The following SWAP70 variants were observed in gnomAD, a reference collection of about 807,000 sequenced individuals.
The protein encoded by SWAP70 is switch-associated protein 70.
In SWAP70, 34 loss-of-function variants were observed where a neutral mutation model predicts 80.2. That is an observed-to-expected ratio of 0.42 (90% CI 0.32 to 0.56). SWAP70 has a LOEUF of 0.56. Among genes scored for constraint, SWAP70 ranks in the 20% least tolerant of loss-of-function variants. The pLI is 0.09. For missense variants in SWAP70, 578 were observed against 690.7 expected (o/e 0.84, Z 1.83); for synonymous variants, 239 against 238.5 (o/e 1.00, Z -0.02).
At chr11:9,727,344 T>G (rs1851238635) in intron 4 of SWAP70, among the ~76,000 whole-genome samples, 1 of 152,110 alleles carries the variant, frequency 6.6e-6, no homozygotes. Context: ...GAGCCGAGAT[T>G]GCACCCACTG....
intron 3 of SWAP70, among the ~76,000 whole-genome samples, chr11:9,721,101 C>T (rs1209528267): frequency 6.6e-6 from 1 of 152,228 alleles, no homozygotes; most frequent in Admixed American, 6.5e-5. Context: ...CAGGCGTGAG[C>T]CACCACGCCT....
rs1850818196 is a variant in SWAP70, at chr11:9,700,549, G to A, written c.240+6263G>A. 3.3e-5 allele frequency among the ~76,000 whole-genome samples: 5 copies of A among 152,198 alleles called. No individual in the cohort carries two copies. The South Asian group carries it at 1.0e-3, about 31-fold the overall frequency. ...ACATACTGTCTCATTTGATCTTCAT[G>A]TTAATTCTGTGAGGCAGAATTGGAA... On this transcript the variant is annotated intron_variant, in intron 2 of 11. Transcript: ENST00000318950.
At chr11:9,722,301 G>A (rs1475128982) in intron 3 of SWAP70, among the ~76,000 whole-genome samples, 1 of 152,192 alleles carries the variant, frequency 6.6e-6, no homozygotes, top group Non-Finnish European at 1.5e-5. Context: ...GCTGAGCTTT[G>A]GGGATTAAAG....
intron 3 of SWAP70, among the ~76,000 whole-genome samples, chr11:9,715,389 C>G (rs1851053763): frequency 6.6e-6 from 1 of 152,112 alleles, no homozygotes; most frequent in African/African-American, 2.4e-5. Context: ...ACTGTACTGG[C>G]CACTCCATGA....
At chr11:9,671,166 T>A (rs1437568418) in intron 1 of SWAP70, among the ~76,000 whole-genome samples, 16 of 123,698 alleles carry the variant, frequency 1.3e-4, no homozygotes, top group African/African-American at 4.4e-4. Context: ...TAAAATATAT[T>A]TATAAATATA....
At chr11:9,678,580 A>G (rs1850530148) in intron 1 of SWAP70, among the ~76,000 whole-genome samples, 1 of 114,328 alleles carries the variant, frequency 8.7e-6, no homozygotes, top group Non-Finnish European at 1.7e-5. Context: ...TTGACCTTCC[A>G]TCTTAATAGT....
At chr11:9,683,134 G>A (rs1377167891) in intron 1 of SWAP70, among the ~76,000 whole-genome samples, 1 of 152,154 alleles carries the variant, frequency 6.6e-6, no homozygotes, top group East Asian at 1.9e-4. Context: ...GTACGCTGGC[G>A]CATGCCTGTA....
At chr11:9,689,591 G>A (rs1404546513) in intron 1 of SWAP70, among the ~76,000 whole-genome samples, 2 of 152,210 alleles carry the variant, frequency 1.3e-5, no homozygotes, top group African/African-American at 4.8e-5. Flanking sequence ...CAAGAAACTT[G>A]CAAACACCCT....
chr11:9,689,925 A>G (rs1161522439), intron 1 of SWAP70, among the ~76,000 whole-genome samples: 4 of 151,980 alleles, frequency 2.6e-5, no homozygotes, highest in East Asian at 1.9e-4. Flanking sequence ...TTTAGAAACA[A>G]CTCACGGGCG....
Position 9,713,476 on chromosome 11 carries a change from A to G in SWAP70, c.251A>G (p.Asn84Ser). The G allele has an allele frequency of 6.2e-7, 1 of 1,611,676 alleles. No individual in the cohort carries two copies. Among genetic ancestry groups the G allele is most frequent in the Non-Finnish European group, 8.5e-7 (1 of 1,179,212 alleles). ...CTTATTCCTTTTTAGGTCCAAGACA[A>G]CTTTGACAAGATTGAATTCAATAGG... The part of the protein sequence containing the change: ...NRFILEKVQD[N>S]FDKIEFNRMC... Residue 84 changes from asparagine (N) to serine (S), a missense_variant, in exon 3 of 12, where the codon AAC becomes AGC. Transcript: ENST00000318950.
intron 6 of SWAP70, among the ~76,000 whole-genome samples, chr11:9,730,483 GT>G (rs1851283583): frequency 6.6e-6 from 1 of 152,144 alleles, no homozygotes; most frequent in Admixed American, 6.5e-5. Flanking sequence ...CAAGGTATAT[GT>G]GTGTATGCAC....
chr11:9,732,657 G>A lies in SWAP70; in HGVS notation c.1027G>A (p.Glu343Lys). 6.4e-7 allele frequency: 1 copy of A among 1,570,084 alleles called. No homozygotes were observed. Among genetic ancestry groups the A allele is most frequent in the Non-Finnish European group, 8.6e-7 (1 of 1,156,338 alleles). The stretch of plus-strand genomic sequence containing the variant: ...AGAGGAACTGGAGCGACAAATGAAG[G>A]AACTCCAGGCCGCCAACGAAAGCAA... ...EQEELERQMK[E>K]LQAANESKQQ... The change falls in exon 7 of 12, where the codon GAA becomes AAA. Residue 343 changes from glutamate to lysine, a missense_variant. By Grantham distance (56) the Glu-to-Lys change is moderately conservative. Transcript: ENST00000318950.
At chr11:9,704,429 G>A (rs2134459665) in intron 2 of SWAP70, among the ~76,000 whole-genome samples, 1 of 150,822 alleles carries the variant, frequency 6.6e-6, no homozygotes, top group African/African-American at 2.4e-5. Context: ...CACTCTTTCT[G>A]TGTTGCCCAG....
chr11:9,731,945 A>T (rs1037049072), intron 6 of SWAP70, among the ~76,000 whole-genome samples: 1 of 152,238 alleles, frequency 6.6e-6, no homozygotes, highest in East Asian at 1.9e-4. Flanking sequence ...GAAAAATCAG[A>T]TGTTGTATAA....
chr11:9,682,693 T>C (rs975397478), intron 1 of SWAP70, among the ~76,000 whole-genome samples: 7 of 152,228 alleles, frequency 4.6e-5, no homozygotes, highest in African/African-American at 1.4e-4. Context: ...TTATTTTTTT[T>C]TGAGACAGGG....
chr11:9,748,993 T>A (rs986927996), intron 10 of SWAP70, 94 bp from the exon 11 acceptor site: 3 of 622,628 alleles, frequency 4.8e-6, no homozygotes, highest in Non-Finnish European at 8.2e-6. Flanking sequence ...TTTAATGAGA[T>A]AATTCACAAA....
At chr11:9,686,847 C>T (rs185871646) in intron 1 of SWAP70, among the ~76,000 whole-genome samples, 50 of 152,234 alleles carry the variant, frequency 3.3e-4, no homozygotes, top group Admixed American at 1.8e-3. Flanking sequence ...TTGTACAATG[C>T]GTAGGTTACC....
At chr11:9,716,951 TGA>T (rs1851074173) in intron 3 of SWAP70, among the ~76,000 whole-genome samples, 1 of 152,146 alleles carries the variant, frequency 6.6e-6, no homozygotes, top group African/African-American at 2.4e-5. Context: ...GTAGGAGAAC[TGA>T]GAGAGTGCTG....
chr11:9,748,208 T>G (rs1188344547), intron 10 of SWAP70, 152 bp downstream of exon 10: 4 of 741,878 alleles, frequency 5.4e-6, no homozygotes, highest in Non-Finnish European at 8.6e-6. Flanking sequence ...TTACAGGAGA[T>G]AAGATATATT....
Sources: allele counts gnomAD v4.1 joint callset (sites outside exome capture counted in the v4.1 genomes callset), GRCh38; gene constraint gnomAD v4.1.1; transcripts MANE v1.5; gene names NCBI Gene and HGNC (gene_info 2026-07-23, HGNC 2026-07-21).